FAM117A: variants seen among roughly 807,000 people sequenced by gnomAD.
FAM117A encodes protein FAM117A.
In FAM117A, 21 loss-of-function variants were observed where a neutral mutation model predicts 44.1. The ratio of observed to expected loss-of-function variants is 0.48; its 90% CI spans 0.34 to 0.69. The LOEUF (loss-of-function observed/expected upper bound fraction) is 0.69, where lower values mean the gene tolerates loss of function less well. FAM117A is among the 30% of genes least tolerant of loss of function. FAM117A has a pLI of 0.01. For synonymous variants in FAM117A, 220 were observed against 238.3 expected (o/e 0.92, Z 0.71); for missense variants, 498 against 589.9 (o/e 0.84, Z 1.61).
intron 1 of FAM117A, among the ~76,000 whole-genome samples, chr17:49,784,942 T>C (rs1410699943): frequency 2.6e-5 from 4 of 152,156 alleles, no homozygotes; most frequent in African/African-American, 7.2e-5. Flanking sequence ...GTTAAAGTGG[T>C]TGAACAGAGG....
Position 49,722,389 on chromosome 17 carries a change from G to C in FAM117A, c.462+110C>G, listed in dbSNP as rs565833254. 10 of 875,654 alleles carry C rather than the reference G, an allele frequency of 1.1e-5. No individual in the cohort carries two copies. In the Admixed American group the frequency reaches 2.3e-4, roughly 20 times the overall value. 54.2% of individuals were successfully genotyped at this position (875,654 alleles called of 1,614,324 possible). A position where few individuals can be genotyped will look rare whatever the true frequency, so the allele number is the denominator to read the frequency against. On this transcript the variant is annotated intron_variant, in intron 3 of 7. Coordinates refer to ENST00000240364, the MANE Select transcript of FAM117A (RefSeq NM_030802.4). ...TCTCATCAGGAAAAGGCCAGGTCAA[G>C]ATAGGAGAGGTGAGCAGTGTGACGC...
intron 1 of FAM117A, among the ~76,000 whole-genome samples, chr17:49,737,100 G>A (rs2073613904): frequency 6.6e-6 from 1 of 152,196 alleles, no homozygotes; most frequent in African/African-American, 2.4e-5. Flanking sequence ...ATAGCTGCTT[G>A]TCTTTTTTTC....
chr17:49,763,833 C>G (rs1303547444), intron 1 of FAM117A, 59 bp downstream of exon 1: 3 of 342,066 alleles, frequency 8.8e-6, no homozygotes, highest in Non-Finnish European at 8.6e-6. Flanking sequence ...CTCCCGCGGT[C>G]ACGCGCCCCC....
rs970733196 is a variant in FAM117A at position 49,717,705 on chromosome 17, T to G, written c.718A>C (p.Ile240Leu). Residue 240 changes from isoleucine (I) to leucine (L), a missense_variant, in exon 6 of 8, where the codon ATC becomes CTC. Transcript: ENST00000240364. ...GCTGGGGCCCGGTGCCCATCAGGGA[T>G]ATCAAGGATCTAACGGGGAAGGACG... ...GEEELLRILD[I>L]PDGHRAPAPP... 7 of 1,606,500 alleles carry G rather than the reference T, an allele frequency of 4.4e-6. No individual in the cohort carries two copies. The highest frequency in any genetic ancestry group is 8.5e-7 in the Non-Finnish European group (1 of 1,175,256).
At chr17:49,785,144 T>C (rs893147641) in intron 1 of FAM117A, among the ~76,000 whole-genome samples, 3 of 152,268 alleles carry the variant, frequency 2.0e-5, no homozygotes, top group Admixed American at 6.5e-5. Context: ...TCATCTTCTT[T>C]ATTCCTTACA....
chr17:49,740,497 C>T (rs1374137721), intron 1 of FAM117A, among the ~76,000 whole-genome samples: 1 of 152,224 alleles, frequency 6.6e-6, no homozygotes, highest in African/African-American at 2.4e-5. Context: ...GATCCGCCCA[C>T]CTTGTCCTCC....
intron 2 of FAM117A, among the ~76,000 whole-genome samples, chr17:49,726,196 T>C (rs1446251739): frequency 6.6e-6 from 1 of 152,182 alleles, no homozygotes; most frequent in Non-Finnish European, 1.5e-5. Context: ...TTGAAGTTGT[T>C]GACATGCTGA....
At chr17:49,769,452 G>A (rs932602910) in intron 1 of FAM117A, among the ~76,000 whole-genome samples, 27 of 152,006 alleles carry the variant, frequency 1.8e-4, no homozygotes, top group Non-Finnish European at 2.9e-4. Context: ...TAATCCTAAC[G>A]CTTTGGGAGG....
chr17:49,785,487 G>T (rs1049758261), intron 1 of FAM117A, among the ~76,000 whole-genome samples: 3 of 152,052 alleles, frequency 2.0e-5, no homozygotes, highest in Non-Finnish European at 4.4e-5. Flanking sequence ...CTCCAGACTG[G>T]GTGACAAGAG....
At position 49,715,818 on chromosome 17, in the gene FAM117A, C is replaced by T. The variant is rs528097232; in HGVS notation, c.1061+347G>A. 7.2e-5 allele frequency among the ~76,000 whole-genome samples: 11 copies of T among 152,248 alleles called. No individual in the cohort carries two copies. The South Asian group carries it at 1.0e-3, about 14-fold the overall frequency. On this transcript the variant is annotated intron_variant, in intron 7 of 7. Transcript: ENST00000240364. The stretch of plus-strand genomic sequence containing the variant: ...CCCCACACCCCCCATCTCTCGCTCT[C>T]GCTCTCTCTCTCTGATTATGGTCTA...
chr17:49,719,735 C>T, intron 5 of FAM117A, 25 bp downstream of exon 5: 2 of 1,536,918 alleles, frequency 1.3e-6, no homozygotes, highest in South Asian at 1.3e-5. Flanking sequence ...ACTGTGGGTG[C>T]ACTCAGGGTG....
chr17:49,714,430 TG>T (rs1238723077), intron 7 of FAM117A, among the ~76,000 whole-genome samples: 1 of 151,282 alleles, frequency 6.6e-6, no homozygotes, highest in Non-Finnish European at 1.5e-5. Context: ...CTCCACCTCC[TG>T]GGTTCAAGCA....
At chr17:49,774,081 T>A (rs2143799357) in intron 1 of FAM117A, among the ~76,000 whole-genome samples, 1 of 152,262 alleles carries the variant, frequency 6.6e-6, no homozygotes, top group Admixed American at 6.5e-5. Flanking sequence ...TTTCTCCAAG[T>A]CATTTTAAAT....
At chr17:49,721,908 G>A (rs754938237) in intron 3 of FAM117A, among the ~76,000 whole-genome samples, 1 of 151,792 alleles carries the variant, frequency 6.6e-6, no homozygotes, top group Non-Finnish European at 1.5e-5. Flanking sequence ...TGGCCAACAC[G>A]GTGAAACCCA....
chr17:49,718,428 G>A lies in FAM117A; in HGVS notation c.709-714C>T, dbSNP rs562778669. ...TCACGCCTGTAATCCCAGCACTTTG[G>A]GAGGCTGAGGCGGGCGGATCACGAG... On this transcript the variant is annotated intron_variant, in intron 5 of 7. Transcript: ENST00000240364. Among the ~76,000 whole-genome samples the A allele has an allele frequency of 4.6e-5, 7 of 152,282 alleles. No homozygotes were observed. The East Asian group carries it at 1.2e-3, about 25-fold the overall frequency.
At chr17:49,733,332 T>G (rs1467466748) in intron 1 of FAM117A, among the ~76,000 whole-genome samples, 1 of 152,210 alleles carries the variant, frequency 6.6e-6, no homozygotes, top group Non-Finnish European at 1.5e-5. Flanking sequence ...TTTTTGGTTC[T>G]CTCCTCTGTC....
At chr17:49,768,145 T>C (rs2073750677), upstream of FAM117A, among the ~76,000 whole-genome samples, 1 of 152,102 alleles carries the variant, frequency 6.6e-6, no homozygotes, top group African/African-American at 2.4e-5. Context: ...TTTCAAGTCT[T>C]AAAAGCTGCA....
rs1401252825 is a variant in FAM117A, at chr17:49,740,267, A to G, written c.197-7547T>C. ...TAAGCAGATTTTTTTTTTTTTTTTG[A>G]GAGGGAGTCTCACTCTGTCCCTCAG... On this transcript the variant is annotated intron_variant, in intron 1 of 7. Coordinates refer to ENST00000240364, the MANE Select transcript of FAM117A (RefSeq NM_030802.4). Among the ~76,000 whole-genome samples the G allele has an allele frequency of 3.4e-5, 5 of 145,854 alleles. No individual in the cohort carries two copies. The East Asian group carries it at 8.0e-4, about 23-fold the overall frequency.
At chr17:49,718,496 G>A (rs550694020) in intron 5 of FAM117A, among the ~76,000 whole-genome samples, 28 of 151,142 alleles carry the variant, frequency 1.9e-4, no homozygotes, top group African/African-American at 6.6e-4. Context: ...GTGAAACCCC[G>A]TCTCTACTCA....
Sources: gnomAD v4.1 joint callset for allele counts (sites outside exome capture counted in the v4.1 genomes callset) on GRCh38, gnomAD v4.1.1 for gene constraint, MANE v1.5 for transcripts, NCBI Gene and HGNC (gene_info 2026-07-23, HGNC 2026-07-21) for gene names.